TMPRSS3: variants seen among roughly 807,000 people sequenced by gnomAD.
TMPRSS3 encodes transmembrane serine protease 3.
TMPRSS3 carries 55 observed loss-of-function variants against 59.6 expected under a neutral mutation model. The observed-to-expected ratio is 0.92, with a 90% confidence interval of 0.74 to 1.16. TMPRSS3 has a LOEUF of 1.16. TMPRSS3 is among the 50% of genes most tolerant of loss of function. TMPRSS3 has a pLI of 0.00. For missense variants in TMPRSS3, 596 were observed against 579.4 expected, an observed-to-expected ratio of 1.03 and a Z score of -0.29; for synonymous variants, 257 against 237.7, an observed-to-expected ratio of 1.08 and a Z score of -0.75.
At chr21:42,386,777 G>GTTAT (rs200754702) in intron 5 of TMPRSS3, among the ~76,000 whole-genome samples, 721 of 69,604 alleles carry the variant, frequency 0.01, 3 homozygotes, top group African/African-American at 0.039. Flanking sequence ...CCGTCCTTTG[G>GTTAT]TTATTTATTT....
Position 42,383,215 on chromosome 21 carries a change from A to C in TMPRSS3, c.617-17T>G. On this transcript the variant is annotated splice_polypyrimidine_tract_variant and intron_variant, in intron 7 of 12. Transcript: ENST00000644384. ...GACCACAGGCTATGGAGGGGAACAA[A>C]GGCTTGTGGGTCCACCCTGCAGACT... The C allele has an allele frequency of 6.2e-7, 1 of 1,613,910 alleles. No individual in the cohort carries two copies. Among genetic ancestry groups the C allele is most frequent in the Non-Finnish European group, 8.5e-7 (1 of 1,179,956 alleles).
At chr21:42,386,132 A>G (rs2052630479) in intron 5 of TMPRSS3, among the ~76,000 whole-genome samples, 1 of 152,156 alleles carries the variant, frequency 6.6e-6, no homozygotes, top group South Asian at 2.1e-4. Flanking sequence ...GGTGAAAGTG[A>G]TGCAACTTTT....
chr21:42,372,187 CT>C lies in TMPRSS3; in HGVS notation c.*574del. 2.3e-6 allele frequency: 1 copy of C among 442,782 alleles called. No individual in the cohort carries two copies. The highest frequency in any genetic ancestry group is 4.6e-6 in the Non-Finnish European group (1 of 219,572). 27.4% of individuals were successfully genotyped at this position (442,782 alleles called of 1,614,324 possible). On this transcript the variant is annotated 3_prime_UTR_variant, in exon 13 of 13. Transcript: ENST00000644384. ...TCTCGTCAGGAATTTTGCAAGACCCCTGGAGAGAAAACCAGATGGACCAGTG... is the reference window on the plus strand; with the variant it reads ...TCTCGTCAGGAATTTTGCAAGACCCCGGAGAGAAAACCAGATGGACCAGTG...
chr21:42,391,303 T>C (rs146170288), intron 2 of TMPRSS3, among the ~76,000 whole-genome samples: 56 of 152,264 alleles, frequency 3.7e-4, no homozygotes, highest in African/African-American at 1.3e-3. Context: ...CACTTGGCTC[T>C]CCAAAGTACT....
At chr21:42,380,286 T>C in intron 9 of TMPRSS3, 74 bp from the exon 10 acceptor site, 1 of 1,283,226 alleles carries the variant, frequency 7.8e-7, no homozygotes, top group Non-Finnish European at 1.1e-6. Flanking sequence ...TCTATGCTTC[T>C]GCCTCTGAGG....
chr21:42,381,057 G>T (rs2052520399), intron 9 of TMPRSS3, among the ~76,000 whole-genome samples: 1 of 152,218 alleles, frequency 6.6e-6, no homozygotes, highest in Non-Finnish European at 1.5e-5. Context: ...TAATGACTCT[G>T]CCAGGTAGAG....
At position 42,375,809 on chromosome 21, in the gene TMPRSS3, C is replaced by T. The variant is rs756106839; in HGVS notation, c.1251G>A (p.Ala417=). Residue 417 remains alanine, a synonymous_variant, in exon 12 of 13, where the codon GCG becomes GCA. Transcript: ENST00000644384. ...QERRLWKLVG[A]TSFGIGCAEV... ...CTGCGCAGCCGATGCCAAAGCTGGT[C>T]GCTCCCACTAACTTCCACAGCCTCC... The T allele has an allele frequency of 2.1e-5, 34 of 1,613,784 alleles. No homozygotes were observed. The highest frequency in any genetic ancestry group is 8.8e-5 in the South Asian group (8 of 91,078).
chr21:42,382,304 C>T (rs1292132859), intron 8 of TMPRSS3, 70 bp from the exon 9 acceptor site: 1 of 1,398,584 alleles, frequency 7.2e-7, no homozygotes, highest in Admixed American at 1.8e-5. Context: ...CCTCAGGTAT[C>T]CTGAAAACCT....
intron 7 of TMPRSS3, chr21:42,383,576 G>T (rs2052573454): frequency 2.4e-5 from 12 of 505,498 alleles, no homozygotes; most frequent in South Asian, 2.0e-4. Context: ...CTCCCTGACT[G>T]CTCCAGACCC....
At chr21:42,375,484 G>A (rs2052408971) in intron 12 of TMPRSS3, among the ~76,000 whole-genome samples, 2 of 151,768 alleles carry the variant, frequency 1.3e-5, no homozygotes, top group Non-Finnish European at 2.9e-5. Context: ...CTTCCTCCCG[G>A]GCCCCAGCTC....
At chr21:42,386,777 G>A (rs9977453) in intron 5 of TMPRSS3, among the ~76,000 whole-genome samples, 72 of 69,608 alleles carry the variant, frequency 1.0e-3, no homozygotes, top group African/African-American at 5.4e-3. Context: ...CCGTCCTTTG[G>A]TTATTTATTT....
intron 10 of TMPRSS3, among the ~76,000 whole-genome samples, chr21:42,377,695 A>T (rs2052454707): frequency 6.6e-6 from 1 of 152,152 alleles, no homozygotes. Flanking sequence ...GACTCCATAG[A>T]TTCCATGGAG....
chr21:42,386,631 T>C (rs1232221175), intron 5 of TMPRSS3, among the ~76,000 whole-genome samples: 4 of 152,210 alleles, frequency 2.6e-5, no homozygotes, highest in African/African-American at 9.7e-5. Context: ...ACTCACAGCG[T>C]CAGCGGAACT....
Position 42,376,568 on chromosome 21 carries a change from G to A in TMPRSS3, c.1164C>T (p.Tyr388=), listed in dbSNP as rs758488441. ...GGCAGCTGTCCACGCCACCCGTCAG[G>A]TAGCCCGCGCAGAGCATGGAGGGGG... The part of the protein sequence containing the change: ...IISPSMLCAG[Y]LTGGVDSCQG... Residue 388 remains tyrosine (Y), a synonymous_variant, in exon 11 of 13, where the codon TAC becomes TAT. Coordinates refer to ENST00000644384, the MANE Select transcript of TMPRSS3 (RefSeq NM_001256317.3). 9.3e-6 allele frequency: 15 copies of A among 1,613,692 alleles called. No individual in the cohort carries two copies. The highest frequency in any genetic ancestry group is 2.2e-5 in the East Asian group (1 of 44,884).
chr21:42,390,605 G>A (rs902920309), intron 2 of TMPRSS3, among the ~76,000 whole-genome samples: 3 of 152,176 alleles, frequency 2.0e-5, no homozygotes, highest in Non-Finnish European at 4.4e-5. Flanking sequence ...GCAGGCACCT[G>A]TAATCCCAAC....
chr21:42,372,583 G>T lies in TMPRSS3; in HGVS notation c.*179C>A, dbSNP rs761851082. ...TCAAAAAAACAAAAAACAAAAAGCAGCTTGAAGGTTGTGCTGGAATCAGAT... is the reference window on the plus strand; with the variant it reads ...TCAAAAAAACAAAAAACAAAAAGCATCTTGAAGGTTGTGCTGGAATCAGAT... On this transcript the variant is annotated 3_prime_UTR_variant, in exon 13 of 13. Coordinates refer to ENST00000644384, the MANE Select transcript of TMPRSS3 (RefSeq NM_001256317.3). The T allele has an allele frequency of 9.0e-6, 7 of 775,800 alleles. No homozygotes were observed. Among genetic ancestry groups the T allele is most frequent in the Non-Finnish European group, 1.6e-5 (7 of 424,540 alleles). The allele number at this position is 775,800 out of a possible 1,614,324, so 48.1% of individuals were successfully genotyped here.
chr21:42,379,907 C>CA (rs1173787401), intron 10 of TMPRSS3, among the ~76,000 whole-genome samples: 1 of 152,186 alleles, frequency 6.6e-6, no homozygotes, highest in Admixed American at 6.5e-5. Flanking sequence ...AGAAGGTCTG[C>CA]AGGGTCATGT....
intron 2 of TMPRSS3, among the ~76,000 whole-genome samples, chr21:42,392,131 C>T (rs1303598487): frequency 6.6e-6 from 1 of 152,202 alleles, no homozygotes; most frequent in Non-Finnish European, 1.5e-5. Flanking sequence ...CCTCTCTTCT[C>T]CTAGTCTTGG....
rs745401832 is a variant in TMPRSS3 at position 42,395,479 on chromosome 21, G to A, written c.-51-11C>T. On this transcript the variant is annotated splice_polypyrimidine_tract_variant and intron_variant, in intron 1 of 12. Transcript: ENST00000644384. Reference sequence around the variant, plus strand: ...CTCCACCTCTACCTCCTTAGCCGAGGAAGAACAGAAAGCATTTGTTCCCCT... The same window carrying A: ...CTCCACCTCTACCTCCTTAGCCGAGAAAGAACAGAAAGCATTTGTTCCCCT... The A allele has an allele frequency of 1.4e-6, 2 of 1,392,026 alleles. No homozygotes were observed. The highest frequency in any genetic ancestry group is 2.0e-6 in the Non-Finnish European group (2 of 980,870). The allele number at this position is 1,392,026 out of a possible 1,614,324, so 86.2% of individuals were successfully genotyped here.
Sources: gnomAD v4.1 joint callset for allele counts (sites outside exome capture counted in the v4.1 genomes callset) on GRCh38, gnomAD v4.1.1 for gene constraint, MANE v1.5 for transcripts, NCBI Gene and HGNC (gene_info 2026-07-23, HGNC 2026-07-21) for gene names.